TIGIT: variants seen among roughly 807,000 people sequenced by gnomAD.
The protein encoded by TIGIT is T cell immunoreceptor with Ig and ITIM domains, also known as T-cell immunoreceptor with Ig and ITIM domains.
Under a neutral mutation model 19.6 loss-of-function variants are expected in TIGIT, and 11 were observed. That is an observed-to-expected ratio of 0.56 (90% confidence interval 0.35 to 0.93). TIGIT has a LOEUF of 0.93. Ranked by LOEUF, TIGIT falls within the 40% of genes least tolerant of loss-of-function variation. The pLI, the probability that TIGIT is intolerant of heterozygous loss-of-function variation, is 0.01. For missense variants in TIGIT, 295 were observed against 303.9 expected, an observed-to-expected ratio of 0.97 and a Z score of 0.22; for synonymous variants, 130 against 125.5, an observed-to-expected ratio of 1.04 and a Z score of -0.24.
chr3:114,294,197 G>A, intron 1 of TIGIT, 75 bp downstream of exon 1: 1 of 1,239,688 alleles, frequency 8.1e-7, no homozygotes, highest in South Asian at 1.4e-5. Context: ...GGGTGCTTGT[G>A]TAGGGAAGAC....
At chr3:114,306,440 G>C (rs568742594) in intron 3 of TIGIT, among the ~76,000 whole-genome samples, 3 of 152,070 alleles carry the variant, frequency 2.0e-5, no homozygotes, top group Non-Finnish European at 2.9e-5. Flanking sequence ...ATTCACTACA[G>C]ACCTTGAGAG....
chr3:114,296,658 T>C (rs965714255), intron 2 of TIGIT, among the ~76,000 whole-genome samples: 1 of 152,238 alleles, frequency 6.6e-6, no homozygotes, highest in Non-Finnish European at 1.5e-5. Flanking sequence ...TGTATAAGTG[T>C]TAACTATTAG....
chr3:114,305,776 A>G (rs1297612960), intron 3 of TIGIT, among the ~76,000 whole-genome samples: 5 of 141,702 alleles, frequency 3.5e-5, no homozygotes, highest in Non-Finnish European at 4.7e-5. Context: ...CCAATAGGAG[A>G]TATAGATGGA....
chr3:114,309,464 C>A lies in TIGIT; in HGVS notation c.*1333C>A, dbSNP rs375834071. 1 of 152,254 alleles carries A rather than the reference C, an allele frequency of 6.6e-6. No homozygotes were observed. The highest frequency in any genetic ancestry group is 6.5e-5 in the Admixed American group (1 of 15,302). The allele number at this position is 152,254 out of a possible 1,614,324, so 9.4% of individuals were successfully genotyped here. On this transcript the variant is annotated 3_prime_UTR_variant, in exon 4 of 4. Coordinates refer to ENST00000383671, the MANE Select transcript of TIGIT (RefSeq NM_173799.4). The stretch of plus-strand genomic sequence containing the variant: ...GAATGTGAAGCAAGGTTGTGTCTTG[C>A]GCATGGTTAAAAATAAAGCATTGTC...
rs2078447984 is a variant in TIGIT at position 114,295,594 on chromosome 3, A to C, written c.111A>C (p.Lys37Asn). The change falls in exon 2 of 4, where the codon AAA (lysine) becomes AAC (asparagine). Residue 37 changes from lysine (K) to asparagine (N), a missense_variant. Lys to Asn is a moderately conservative substitution (Grantham distance 94). Coordinates refer to ENST00000383671, the MANE Select transcript of TIGIT (RefSeq NM_173799.4). The stretch of plus-strand genomic sequence containing the variant: ...CAACGGGGAACATTTCTGCAGAGAA[A>C]GGTGGCTCTATCATCTTACAATGTC... Reference protein sequence around the residue: ...IETTGNISAEKGGSIILQCHL... With the variant: ...IETTGNISAENGGSIILQCHL... 1.2e-6 allele frequency: 2 copies of C among 1,614,224 alleles called. No homozygotes were observed.
At position 114,308,213 on chromosome 3, in the gene TIGIT, T is replaced by C. The variant is rs1440857069; in HGVS notation, c.*82T>C. On this transcript the variant is annotated 3_prime_UTR_variant, in exon 4 of 4. Coordinates refer to ENST00000383671, the MANE Select transcript of TIGIT (RefSeq NM_173799.4). ...TATAAGCAGCTGTACTCTCCATCAG[T>C]GCTGCGTGTGTGTGTGTGTGTGTAT... 2 of 1,058,910 alleles carry C rather than the reference T, an allele frequency of 1.9e-6. No individual in the cohort carries two copies. The highest frequency in any genetic ancestry group is 4.7e-5 in the East Asian group (2 of 42,246). 65.6% of individuals were successfully genotyped at this position (1,058,910 alleles called of 1,614,324 possible).
At chr3:114,304,500 C>T (rs1449576246) in intron 3 of TIGIT, among the ~76,000 whole-genome samples, 3 of 152,176 alleles carry the variant, frequency 2.0e-5, no homozygotes, top group East Asian at 3.8e-4. Context: ...AAATATTGAG[C>T]GTTCCAATAT....
In TIGIT at chr3:114,309,634, G is replaced by C. The variant is rs769679518; in HGVS notation, c.*1503G>C. On this transcript the variant is annotated 3_prime_UTR_variant, in exon 4 of 4. Coordinates refer to ENST00000383671, the MANE Select transcript of TIGIT (RefSeq NM_173799.4). ...GGAAGAATGAACTGAAATCTGTCCA[G>C]AGCTCCAAGTCCTTTGGAAGAAAGA... is the stretch of plus-strand genomic sequence containing the variant. The C allele has an allele frequency of 7.2e-5, 11 of 152,142 alleles. No individual in the cohort carries two copies. Among genetic ancestry groups the C allele is most frequent in the Non-Finnish European group, 1.5e-4 (10 of 68,028 alleles). The allele number at this position is 152,142 out of a possible 1,614,324, so 9.4% of individuals were successfully genotyped here.
rs186196296 is a variant in TIGIT, at chr3:114,309,701, A to G, written c.*1570A>G. 6.6e-6 allele frequency: 1 copy of G among 152,374 alleles called. No individual in the cohort carries two copies. Among genetic ancestry groups the G allele is most frequent in the East Asian group, 1.9e-4 (1 of 5,194 alleles). The allele number at this position is 152,374 out of a possible 1,614,324, so 9.4% of individuals were successfully genotyped here. ...ATGTTGTTGTTTGCTGTGGCAGTTT[A>G]CAGCATTTTTCTTGCAAAATTAGTG... On this transcript the variant is annotated 3_prime_UTR_variant, in exon 4 of 4. Coordinates refer to ENST00000383671, the MANE Select transcript of TIGIT (RefSeq NM_173799.4).
In TIGIT at chr3:114,295,582, T is replaced by G. The variant is rs200039145; in HGVS notation, c.99T>G (p.Ile33Met). Residue 33 changes from isoleucine (I) to methionine (M), a missense_variant, in exon 2 of 4, where the codon ATT becomes ATG. By Grantham distance (10) the Ile-to-Met change is conservative (BLOSUM62 1). Transcript: ENST00000383671. ...GCACAATAGAAACAACGGGGAACATTTCTGCAGAGAAAGGTGGCTCTATCA... is the reference window on the plus strand; with the variant it reads ...GCACAATAGAAACAACGGGGAACATGTCTGCAGAGAAAGGTGGCTCTATCA... The part of the protein sequence containing the change: ...MTGTIETTGN[I>M]SAEKGGSIIL... The G allele has an allele frequency of 2.7e-4, 428 of 1,614,024 alleles. No homozygotes were observed. Among genetic ancestry groups the G allele is most frequent in the Non-Finnish European group, 3.6e-4 (421 of 1,180,014 alleles).
chr3:114,305,545 G>A (rs967437257), intron 3 of TIGIT, among the ~76,000 whole-genome samples: 11 of 152,140 alleles, frequency 7.2e-5, no homozygotes, highest in Non-Finnish European at 1.0e-4. Flanking sequence ...GTACAGAGTC[G>A]GTTGAACCTT....
In TIGIT at chr3:114,303,505, GTATATATATATACACATATATA is replaced by G. The variant is rs2078505905; in HGVS notation, c.498+3804_498+3825del. 7.7e-5 allele frequency among the ~76,000 whole-genome samples: 9 copies of G among 117,290 alleles called. 1 individual carries two copies. In the South Asian group the frequency reaches 2.1e-3, roughly 28 times the overall value. 76.9% of individuals were successfully genotyped at this position (117,290 alleles called of 152,430 possible). On this transcript the variant is annotated intron_variant, in intron 3 of 3. Transcript: ENST00000383671. ...TATTCCATGGTGTGTATATATATAT[GTATATATATATACACATATATA>G]TGTATATATATACACATATATATGT...
intron 3 of TIGIT, among the ~76,000 whole-genome samples, chr3:114,303,621 GTATATATATA>G: frequency 1.8e-5 from 1 of 56,802 alleles, no homozygotes. Flanking sequence ...ACATATATAT[GTATATATATA>G]CACACACACA....
At chr3:114,302,847 A>G (rs925242634) in intron 3 of TIGIT, among the ~76,000 whole-genome samples, 2 of 152,180 alleles carry the variant, frequency 1.3e-5, no homozygotes, top group South Asian at 2.1e-4. Context: ...AGAAAAGTCA[A>G]TATAATCAGC....
chr3:114,303,552 T>C (rs1385363929), intron 3 of TIGIT, among the ~76,000 whole-genome samples: 6 of 5,820 alleles, frequency 1.0e-3, no homozygotes, highest in African/African-American at 1.0e-3. Flanking sequence ...CATATATATG[T>C]ATATATATAT....
chr3:114,302,908 A>G (rs1412475085), intron 3 of TIGIT, among the ~76,000 whole-genome samples: 1 of 152,210 alleles, frequency 6.6e-6, no homozygotes, highest in East Asian at 1.9e-4. Flanking sequence ...ATTTCTCTGT[A>G]AAGAGGCAGA....
chr3:114,300,387 A>G (rs929447948), intron 3 of TIGIT, among the ~76,000 whole-genome samples: 18 of 151,404 alleles, frequency 1.2e-4, no homozygotes, highest in Non-Finnish European at 2.5e-4. Flanking sequence ...AAAAAAAAAA[A>G]TTGGTGGTAA....
rs116131584 is a variant in TIGIT, at chr3:114,296,561, A to C, written c.391+687A>C. Among the ~76,000 whole-genome samples the C allele has an allele frequency of 4.4e-3, 665 of 152,322 alleles. 8 individuals are homozygous for C. The highest frequency in any genetic ancestry group is 0.015 in the African/African-American group (642 of 41,558). On this transcript the variant is annotated intron_variant, in intron 2 of 3. Coordinates refer to ENST00000383671, the MANE Select transcript of TIGIT (RefSeq NM_173799.4). The stretch of plus-strand genomic sequence containing the variant: ...TCTCATCTGTGAAAGGAGGATGAAT[A>C]TAAGACCTTATGCGATGCTAATGTA...
In TIGIT at chr3:114,295,589, G is replaced by A. The variant is rs142063959; in HGVS notation, c.106G>A (p.Glu36Lys). 4.5e-5 allele frequency: 72 copies of A among 1,614,100 alleles called. No individual in the cohort carries two copies. Among genetic ancestry groups the A allele is most frequent in the East Asian group, 8.9e-5 (4 of 44,892 alleles). ...AGAAACAACGGGGAACATTTCTGCA[G>A]AGAAAGGTGGCTCTATCATCTTACA... The part of the protein sequence containing the change: ...TIETTGNISA[E>K]KGGSIILQCH... Residue 36 changes from glutamate to lysine, a missense_variant, in exon 2 of 4, where the codon GAG (glutamate) becomes AAG (lysine). By Grantham distance (56) the Glu-to-Lys change is moderately conservative (BLOSUM62 1). Transcript: ENST00000383671.
Sources: gnomAD v4.1 joint callset for allele counts (sites outside exome capture counted in the v4.1 genomes callset) on GRCh38, gnomAD v4.1.1 for gene constraint, MANE v1.5 for transcripts, NCBI Gene and HGNC (gene_info 2026-07-23, HGNC 2026-07-21) for gene names.